Variants in PDE7A observed in about 807,000 individuals in gnomAD.
PDE7A encodes high affinity 3',5'-cyclic-AMP phosphodiesterase 7A.
PDE7A carries 39 observed loss-of-function variants against 64.3 expected under a neutral mutation model. The ratio of observed to expected loss-of-function variants is 0.61; its 90% CI spans 0.47 to 0.79. The LOEUF is 0.79. Ranked by LOEUF, PDE7A falls within the 30% of genes least tolerant of loss-of-function variation. The pLI is 0.00. For synonymous variants in PDE7A, 203 were observed against 206.8 expected, an observed-to-expected ratio of 0.98 and a Z score of 0.16; for missense variants, 470 against 582.8, an observed-to-expected ratio of 0.81 and a Z score of 1.99.
At chr8:65,800,132 T>C (rs1423096569) in intron 1 of PDE7A, among the ~76,000 whole-genome samples, 1 of 152,072 alleles carries the variant, frequency 6.6e-6, no homozygotes, top group Non-Finnish European at 1.5e-5. Flanking sequence ...TGAACATATG[T>C]CCCTGAATTG....
intron 12 of PDE7A, among the ~76,000 whole-genome samples, chr8:65,720,221 T>G (rs1304962998): frequency 6.6e-6 from 1 of 152,234 alleles, no homozygotes; most frequent in Non-Finnish European, 1.5e-5. Flanking sequence ...GCACATTAGA[T>G]CTGACTTAAT....
chr8:65,798,601 C>T (rs1054691797), intron 1 of PDE7A, among the ~76,000 whole-genome samples: 3 of 152,050 alleles, frequency 2.0e-5, no homozygotes, highest in East Asian at 3.8e-4. Context: ...AGAAGATATA[C>T]GAATAGCCAA....
intron 1 of PDE7A, among the ~76,000 whole-genome samples, chr8:65,818,206 A>C (rs997009828): frequency 5.9e-5 from 9 of 152,184 alleles, no homozygotes; most frequent in African/African-American, 2.2e-4. Flanking sequence ...ATTCAGAGAC[A>C]ATTTCTACTG....
rs981102678 is a variant in PDE7A at position 65,717,014 on chromosome 8, A to G, written c.*2276T>C. ...ACACAATATACACTGGATTTCAAAG[A>G]CTTAGTACCCCCCAAAAGAATGTAA... is the stretch of plus-strand genomic sequence containing the variant. On this transcript the variant is annotated 3_prime_UTR_variant, in exon 13 of 13. Coordinates refer to ENST00000401827, the MANE Select transcript of PDE7A (RefSeq NM_001242318.3). 6.6e-6 allele frequency among the ~76,000 whole-genome samples: 1 copy of G among 152,216 alleles called. No individual in the cohort carries two copies. Among genetic ancestry groups the G allele is most frequent in the Non-Finnish European group, 1.5e-5 (1 of 68,042 alleles).
At chr8:65,823,171 C>G (rs565049152) in intron 1 of PDE7A, among the ~76,000 whole-genome samples, 4 of 151,910 alleles carry the variant, frequency 2.6e-5, no homozygotes, top group Non-Finnish European at 5.9e-5. Context: ...GGTGGAAAAC[C>G]TCTAAAAAGT....
intron 1 of PDE7A, among the ~76,000 whole-genome samples, chr8:65,840,274 G>C (rs1367608920): frequency 6.6e-6 from 1 of 152,130 alleles, no homozygotes; most frequent in Admixed American, 6.5e-5. Flanking sequence ...AAAGGATTCA[G>C]AGAGAGACCC....
chr8:65,739,470 C>G (rs10089128), intron 6 of PDE7A, 32 bp downstream of exon 6: 38,711 of 1,519,092 alleles, frequency 0.025, 623 homozygotes, highest in Non-Finnish European at 0.031. Context: ...AAATGTAAAT[C>G]TTGTTACTGT....
rs1301649754 is a variant in PDE7A at position 65,714,769 on chromosome 8, A to AAAG, written c.*4518_*4520dup. 7.9e-5 allele frequency: 12 copies of AAAG among 152,344 alleles called. No individual in the cohort carries two copies. Among genetic ancestry groups the AAAG allele is most frequent in the African/African-American group, 2.2e-4 (9 of 41,584 alleles). The allele number at this position is 152,344 out of a possible 1,614,324, so 9.4% of individuals were successfully genotyped here. A position where few individuals can be genotyped will look rare whatever the true frequency, so the allele number is the denominator to read the frequency against. On this transcript the variant is annotated 3_prime_UTR_variant, in exon 13 of 13. Coordinates refer to ENST00000401827, the MANE Select transcript of PDE7A (RefSeq NM_001242318.3). Reference sequence around the variant, plus strand: ...TGATGTGAGAGTTTTAAGAAAATAGAAAGTTTAATAAAAACCAAGAAAGCA... The same window carrying AAAG: ...TGATGTGAGAGTTTTAAGAAAATAGAAAGAAGTTTAATAAAAACCAAGAAAGCA...
intron 3 of PDE7A, among the ~76,000 whole-genome samples, chr8:65,774,751 C>A (rs1019881670): frequency 2.6e-5 from 4 of 151,642 alleles, no homozygotes; most frequent in Admixed American, 6.6e-5. Context: ...TAACATGTAA[C>A]ATAAATAACA....
In PDE7A at chr8:65,717,567, G is replaced by A. The variant is rs552819122; in HGVS notation, c.*1723C>T. On this transcript the variant is annotated 3_prime_UTR_variant, in exon 13 of 13. Transcript: ENST00000401827. ...AGTCATTAGTAGATAAGCTCGGACT[G>A]AGTAAACATCTGAGGGATGAATTAC... is the stretch of plus-strand genomic sequence containing the variant. 7 of 152,310 alleles carry A rather than the reference G, an allele frequency of 4.6e-5. No individual in the cohort carries two copies. The highest frequency in any genetic ancestry group is 2.6e-4 in the Admixed American group (4 of 15,296). The allele number at this position is 152,310 out of a possible 1,614,324, so 9.4% of individuals were successfully genotyped here. A position where few individuals can be genotyped will look rare whatever the true frequency, so the allele number is the denominator to read the frequency against.
At chr8:65,812,172 A>C (rs893060059) in intron 1 of PDE7A, among the ~76,000 whole-genome samples, 3 of 151,254 alleles carry the variant, frequency 2.0e-5, no homozygotes, top group Non-Finnish European at 4.4e-5. Context: ...GCACCACTGC[A>C]CTCCAGCCTG....
At chr8:65,791,103 C>T (rs777163059) in intron 1 of PDE7A, among the ~76,000 whole-genome samples, 2 of 152,206 alleles carry the variant, frequency 1.3e-5, no homozygotes, top group Admixed American at 6.5e-5. Context: ...AAAGCGAATA[C>T]AAGATGGCTA....
intron 3 of PDE7A, among the ~76,000 whole-genome samples, chr8:65,759,698 C>A (rs919428260): frequency 3.3e-5 from 5 of 152,060 alleles, no homozygotes; most frequent in Non-Finnish European, 7.4e-5. Context: ...TGGCATTCAC[C>A]CCTTTCTTTT....
intron 1 of PDE7A, among the ~76,000 whole-genome samples, chr8:65,811,710 C>T (rs1412954967): frequency 1.3e-5 from 2 of 152,044 alleles, no homozygotes; most frequent in Non-Finnish European, 2.9e-5. Context: ...CAAACAATTC[C>T]AGTAAAAATA....
intron 3 of PDE7A, among the ~76,000 whole-genome samples, chr8:65,777,654 GTGGA>G (rs1204097887): frequency 1.3e-5 from 2 of 152,134 alleles, no homozygotes; most frequent in African/African-American, 2.4e-5. Context: ...TTCAGAGTTT[GTGGA>G]TGATATTTTT....
intron 9 of PDE7A, 72 bp from the exon 10 acceptor site, chr8:65,724,993 C>A: frequency 1.0e-6 from 1 of 998,134 alleles, no homozygotes. Flanking sequence ...TTTTCTTAAC[C>A]ATAATAATCG....
At chr8:65,740,323 T>C (rs1807357557) in intron 5 of PDE7A, among the ~76,000 whole-genome samples, 1 of 152,178 alleles carries the variant, frequency 6.6e-6, no homozygotes, top group African/African-American at 2.4e-5. Flanking sequence ...TCTTAAACTT[T>C]CAACATACTT....
intron 1 of PDE7A, among the ~76,000 whole-genome samples, chr8:65,787,922 T>C (rs1809605436): frequency 6.6e-6 from 1 of 152,186 alleles, no homozygotes; most frequent in Non-Finnish European, 1.5e-5. Flanking sequence ...TGCAACAAAA[T>C]TAATTCTTAA....
intron 3 of PDE7A, among the ~76,000 whole-genome samples, chr8:65,748,895 G>A (rs1402888031): frequency 6.6e-6 from 1 of 152,178 alleles, no homozygotes; most frequent in Non-Finnish European, 1.5e-5. Context: ...ACTGCTTGCA[G>A]GTATGCTACT....
Sources: gnomAD v4.1 joint callset for allele counts (sites outside exome capture counted in the v4.1 genomes callset) on GRCh38, gnomAD v4.1.1 for gene constraint, MANE v1.5 for transcripts, NCBI Gene and HGNC (gene_info 2026-07-23, HGNC 2026-07-21) for gene names.